The following RUNX2 variants were observed in gnomAD, a reference collection of about 807,000 sequenced individuals.
The protein encoded by RUNX2 is RUNX family transcription factor 2, also known as runt-related transcription factor 2.
RUNX2 carries 10 observed loss-of-function variants against 51.7 expected under a neutral mutation model. The observed-to-expected ratio is 0.19, with a 90% CI of 0.12 to 0.33. The LOEUF is 0.33. RUNX2 is among the 10% of genes least tolerant of loss of function. The pLI, the probability that RUNX2 is intolerant of heterozygous loss-of-function variation, is 1.00. For synonymous variants in RUNX2, 276 were observed against 273.6 expected (o/e 1.01, Z -0.09); for missense variants, 562 against 691.3 (o/e 0.81, Z 2.10).
intron 2 of RUNX2, among the ~76,000 whole-genome samples, chr6:45,410,119 T>G (rs1358471998): frequency 6.6e-6 from 1 of 152,182 alleles, no homozygotes; most frequent in Non-Finnish European, 1.5e-5. Flanking sequence ...GGCCAGGACA[T>G]GAAGGGGTTT....
chr6:45,332,555 C>G (rs1031989691), intron 2 of RUNX2, among the ~76,000 whole-genome samples: 2 of 151,662 alleles, frequency 1.3e-5, no homozygotes, highest in African/African-American at 2.4e-5. Context: ...TTCTAGGATA[C>G]TAAGATATGA....
At position 45,495,324 on chromosome 6, in the gene RUNX2, C is replaced by A. The variant is rs530078330; in HGVS notation, c.859+3210C>A. ...GGTGCAATAAGGGTTGAGAGGATAT[C>A]ATATCTGTCTTAGTAGCATTAACTC... On this transcript the variant is annotated intron_variant, in intron 6 of 8. Transcript: ENST00000647337. Among the ~76,000 whole-genome samples the A allele has an allele frequency of 3.3e-5, 5 of 152,334 alleles. No homozygotes were observed. The South Asian group carries it at 1.0e-3, about 32-fold the overall frequency.
In RUNX2 at chr6:45,546,694, A is replaced by C. The variant is rs1488328975; in HGVS notation, c.1088-133A>C. The C allele has an allele frequency of 1.5e-5, 11 of 752,336 alleles. No homozygotes were observed. In the East Asian group the frequency reaches 2.6e-4, roughly 18 times the overall value. The allele number at this position is 752,336 out of a possible 1,614,324, so 46.6% of individuals were successfully genotyped here. On this transcript the variant is annotated intron_variant, in intron 8 of 8. Coordinates refer to ENST00000647337, the MANE Select transcript of RUNX2 (RefSeq NM_001024630.4). ...GACTGTAAAGTGACTGGTGCATTTG[A>C]AGGTCTGTCTGTGGCTTGCTGTTCC...
At chr6:45,519,126 C>T (rs1246151198) in intron 7 of RUNX2, among the ~76,000 whole-genome samples, 1 of 152,080 alleles carries the variant, frequency 6.6e-6, no homozygotes, top group African/African-American at 2.4e-5. Flanking sequence ...GTAAAGTTTG[C>T]CTTACCAGAT....
rs772620371 is a variant in RUNX2, at chr6:45,512,416, C to T, written c.1021+9C>T. 9.3e-6 allele frequency: 15 copies of T among 1,613,490 alleles called. No homozygotes were observed. Among genetic ancestry groups the T allele is most frequent in the Middle Eastern group, 1.6e-4 (1 of 6,082 alleles). On this transcript the variant is annotated intron_variant, in intron 7 of 8. Coordinates refer to ENST00000647337, the MANE Select transcript of RUNX2 (RefSeq NM_001024630.4). Reference sequence around the variant, plus strand: ...GCCTAGGCGCATTTCAGGTAAAGACCGTGCTTTAACTAAAAATCCATCCCT... The same window carrying T: ...GCCTAGGCGCATTTCAGGTAAAGACTGTGCTTTAACTAAAAATCCATCCCT...
intron 2 of RUNX2, among the ~76,000 whole-genome samples, chr6:45,401,094 A>G (rs1018944296): frequency 6.6e-6 from 1 of 152,252 alleles, no homozygotes; most frequent in Non-Finnish European, 1.5e-5. Flanking sequence ...ACAACAAAAC[A>G]AAAAAATTTC....
At chr6:45,543,836 A>T (rs1028024745) in intron 7 of RUNX2, among the ~76,000 whole-genome samples, 3 of 151,964 alleles carry the variant, frequency 2.0e-5, no homozygotes, top group African/African-American at 7.3e-5. Context: ...AAATTTAAGG[A>T]TATTATTTGC....
chr6:45,444,769 A>C (rs1429449813), intron 5 of RUNX2, among the ~76,000 whole-genome samples: 4 of 152,218 alleles, frequency 2.6e-5, no homozygotes, highest in African/African-American at 9.6e-5. Flanking sequence ...AGACTTAACG[A>C]AACAGGTGGT....
At chr6:45,399,576 T>C (rs2150351082) in intron 2 of RUNX2, among the ~76,000 whole-genome samples, 1 of 152,048 alleles carries the variant, frequency 6.6e-6, no homozygotes, top group East Asian at 1.9e-4. Context: ...GTCAGGGTAG[T>C]CTTGAACTCC....
chr6:45,347,420 A>C (rs1465344827), intron 2 of RUNX2, among the ~76,000 whole-genome samples: 4 of 152,208 alleles, frequency 2.6e-5, no homozygotes, highest in African/African-American at 9.6e-5. Context: ...ACACAAAAGA[A>C]ATACCTCAAC....
chr6:45,467,730 G>C (rs938506138), intron 5 of RUNX2, among the ~76,000 whole-genome samples: 1 of 152,036 alleles, frequency 6.6e-6, no homozygotes, highest in Non-Finnish European at 1.5e-5. Flanking sequence ...TATCATGTGA[G>C]CAGTCACCTT....
chr6:45,328,839 G>T, intron 2 of RUNX2, 55 bp downstream of exon 2: 2 of 1,557,448 alleles, frequency 1.3e-6, no homozygotes, highest in Non-Finnish European at 1.8e-6. Flanking sequence ...AAACATAAAG[G>T]TATGATTCTT....
At chr6:45,532,917 T>C (rs1368403009) in intron 7 of RUNX2, among the ~76,000 whole-genome samples, 1 of 151,416 alleles carries the variant, frequency 6.6e-6, no homozygotes, top group East Asian at 1.9e-4. Context: ...TTTTTTTTTT[T>C]TTTTTTTTCA....
intron 7 of RUNX2, among the ~76,000 whole-genome samples, chr6:45,541,737 T>C (rs1290510164): frequency 6.6e-6 from 1 of 152,180 alleles, no homozygotes; most frequent in Non-Finnish European, 1.5e-5. Context: ...CTGACCTGCC[T>C]GCTCTGCTGG....
intron 2 of RUNX2, among the ~76,000 whole-genome samples, chr6:45,376,900 T>C (rs1796863208): frequency 6.6e-6 from 1 of 152,194 alleles, no homozygotes; most frequent in African/African-American, 2.4e-5. Context: ...CATATGTATA[T>C]ACATATATAT....
intron 2 of RUNX2, among the ~76,000 whole-genome samples, chr6:45,353,031 G>A (rs969499290): frequency 6.6e-6 from 1 of 152,004 alleles, no homozygotes; most frequent in African/African-American, 2.4e-5. Flanking sequence ...AAAGAAAACT[G>A]AGAAGTTCTT....
intron 2 of RUNX2, among the ~76,000 whole-genome samples, chr6:45,389,952 G>C (rs1797431990): frequency 6.6e-6 from 1 of 151,562 alleles, no homozygotes; most frequent in South Asian, 2.1e-4. Context: ...GTTGCAGTGA[G>C]CCGAGATTGA....
chr6:45,328,903 C>T, intron 2 of RUNX2, 119 bp downstream of exon 2: 1 of 1,035,504 alleles, frequency 9.7e-7, no homozygotes, highest in Non-Finnish European at 1.5e-6. Flanking sequence ...ATTATGCTAT[C>T]TTGTTGCATT....
intron 2 of RUNX2, among the ~76,000 whole-genome samples, chr6:45,347,758 CT>C (rs201547368): frequency 2.7e-5 from 4 of 150,512 alleles, no homozygotes; most frequent in Non-Finnish European, 5.9e-5. Context: ...CTTCACAATT[CT>C]TTTTTTTAAA....
Sources: gnomAD v4.1 joint callset for allele counts (sites outside exome capture counted in the v4.1 genomes callset) on GRCh38, gnomAD v4.1.1 for gene constraint, MANE v1.5 for transcripts, NCBI Gene and HGNC (gene_info 2026-07-23, HGNC 2026-07-21) for gene names.